Variants in HSPA4 observed in about 807,000 individuals in gnomAD.
HSPA4 encodes heat shock 70 kDa protein 4.
HSPA4 carries 25 observed loss-of-function variants against 106.2 expected under a neutral mutation model. The ratio of observed to expected loss-of-function variants is 0.24; its 90% CI spans 0.17 to 0.33. HSPA4 has a LOEUF of 0.33. Ranked by LOEUF, HSPA4 falls within the 10% of genes least tolerant of loss-of-function variation. The pLI, the probability that HSPA4 is intolerant of heterozygous loss-of-function variation, is 1.00. For synonymous variants in HSPA4, 332 were observed against 333.6 expected, an observed-to-expected ratio of 1.00 and a Z score of 0.05; for missense variants, 841 against 996.0, an observed-to-expected ratio of 0.84 and a Z score of 2.10.
At chr5:133,059,778 A>G (rs527735747) in intron 1 of HSPA4, among the ~76,000 whole-genome samples, 2 of 152,292 alleles carry the variant, frequency 1.3e-5, no homozygotes, top group Admixed American at 6.5e-5. Context: ...AGGATTATCA[A>G]GTGTAGGATG....
At chr5:133,067,635 C>T in intron 3 of HSPA4, 78 bp downstream of exon 3, 1 of 1,225,272 alleles carries the variant, frequency 8.2e-7, no homozygotes, top group Non-Finnish European at 1.1e-6. Context: ...CTGTACTTTT[C>T]TGATGTCAGA....
intron 7 of HSPA4, among the ~76,000 whole-genome samples, chr5:133,082,769 T>C (rs748382607): frequency 6.6e-6 from 1 of 152,186 alleles, no homozygotes; most frequent in East Asian, 1.9e-4. Flanking sequence ...ACGGGAATTA[T>C]ATACTTTAAA....
intron 15 of HSPA4, among the ~76,000 whole-genome samples, chr5:133,098,661 C>T (rs1021583882): frequency 1.3e-5 from 2 of 149,494 alleles, no homozygotes. Context: ...TTGATGGGTA[C>T]TTAGTTGTTT....
rs751891540 is a variant in HSPA4 at position 133,104,349 on chromosome 5, C to T, written c.2436C>T (p.Asn812=). Residue 812 remains asparagine, a synonymous_variant, in exon 19 of 19, where the codon AAC becomes AAT. Transcript: ENST00000304858. ...QNGPVDGQGD[N]PGPQAAEQGT... is the part of the protein sequence containing the mutation. The stretch of plus-strand genomic sequence containing the variant: ...GACCAGTGGATGGACAAGGAGACAA[C>T]CCAGGCCCCCAGGCTGCTGAGCAGG... The T allele has an allele frequency of 7.4e-6, 12 of 1,614,024 alleles. No homozygotes were observed. The highest frequency in any genetic ancestry group is 1.6e-4 in the Middle Eastern group (1 of 6,084).
chr5:133,104,063 C>T lies in HSPA4; in HGVS notation c.2319+37C>T, dbSNP rs555028305. 6.3e-4 allele frequency: 981 copies of T among 1,552,654 alleles called. 14 individuals are homozygous for T. The South Asian group carries it at 0.011, about 17-fold the overall frequency. ...CTTTTTTTTAATAGTCTTTTCTTGA[C>T]AGCCTTATTATTAATAGTCCTCAAG... On this transcript the variant is annotated intron_variant, in intron 18 of 18. Transcript: ENST00000304858.
intron 2 of HSPA4, among the ~76,000 whole-genome samples, chr5:133,065,343 G>A (rs994154896): frequency 1.3e-4 from 20 of 152,182 alleles, no homozygotes; most frequent in African/African-American, 4.8e-4. Context: ...CATTGTATTA[G>A]GTGTTATAAG....
intron 1 of HSPA4, among the ~76,000 whole-genome samples, chr5:133,057,531 C>T (rs4382161): frequency 6.6e-6 from 1 of 151,972 alleles, no homozygotes; most frequent in Non-Finnish European, 1.5e-5. Flanking sequence ...GCTATGCATA[C>T]ACTTATAAAA....
At chr5:133,085,737 G>GCAGGGAGGGATGAATAGTTGGAGCA (rs754606446) in intron 7 of HSPA4, among the ~76,000 whole-genome samples, 6 of 151,502 alleles carry the variant, frequency 4.0e-5, no homozygotes, top group Non-Finnish European at 7.4e-5. Context: ...GGAGTTTGGA[G>GCAGGGAGGGATGAATAGTTGGAGCA]CAGGGAGGGA....
At chr5:133,060,596 A>G (rs529154791) in intron 1 of HSPA4, among the ~76,000 whole-genome samples, 1 of 152,284 alleles carries the variant, frequency 6.6e-6, no homozygotes, top group Non-Finnish European at 1.5e-5. Flanking sequence ...TCCTGACCTC[A>G]GATGATCTGC....
intron 7 of HSPA4, among the ~76,000 whole-genome samples, chr5:133,080,215 A>G (rs1561581205): frequency 6.6e-6 from 1 of 151,500 alleles, no homozygotes; most frequent in East Asian, 1.9e-4. Context: ...GGAGTTCGAG[A>G]CCAGCCTGGG....
At chr5:133,055,236 T>C (rs1010732253) in intron 1 of HSPA4, among the ~76,000 whole-genome samples, 1 of 151,906 alleles carries the variant, frequency 6.6e-6, no homozygotes, top group Non-Finnish European at 1.5e-5. Context: ...CTGAACTGTA[T>C]GATTTTGATT....
At chr5:133,103,318 T>G (rs62375246) in intron 17 of HSPA4, among the ~76,000 whole-genome samples, 1 of 151,578 alleles carries the variant, frequency 6.6e-6, no homozygotes, top group African/African-American at 2.4e-5. Context: ...CAGCCTCCCA[T>G]AGTGCTAAGA....
intron 7 of HSPA4, among the ~76,000 whole-genome samples, chr5:133,085,952 A>G (rs1425844443): frequency 6.6e-6 from 1 of 152,220 alleles, no homozygotes; most frequent in African/African-American, 2.4e-5. Flanking sequence ...CAAGATGTTA[A>G]TAGAGGAACT....
Position 133,091,219 on chromosome 5 carries a change from C to T in HSPA4, c.1405C>T (p.Pro469Ser). 2 of 1,614,036 alleles carry T rather than the reference C, an allele frequency of 1.2e-6. No homozygotes were observed. Among genetic ancestry groups the T allele is most frequent in the Non-Finnish European group, 1.7e-6 (2 of 1,179,954 alleles). ...IAQFSVQKVTPQSDGSSSKVK... is the reference protein window; with the variant it reads ...IAQFSVQKVTSQSDGSSSKVK... ...TCAGTTTTCAGTTCAGAAAGTCACT[C>T]CTCAGTCTGATGGCTCCAGTTCAAA... Residue 469 changes from proline to serine, a missense_variant, in exon 12 of 19, where the codon CCT (proline) becomes TCT (serine). Coordinates refer to ENST00000304858, the MANE Select transcript of HSPA4 (RefSeq NM_002154.4).
chr5:133,052,339 A>C lies in HSPA4; in HGVS notation c.89A>C (p.Tyr30Ser). Residue 30 changes from tyrosine (Y) to serine (S), a missense_variant, in exon 1 of 19, where the codon TAT (tyrosine) becomes TCT (serine). Transcript: ENST00000304858. ...AGGIETIANEYSDRCTPACIS... is the reference protein window; with the variant it reads ...AGGIETIANESSDRCTPACIS... ...GGCATCGAGACTATCGCTAATGAGT[A>C]TAGCGACCGCTGCACGCCGTAAGTG... is the stretch of plus-strand genomic sequence containing the variant. The C allele has an allele frequency of 1.9e-6, 3 of 1,568,140 alleles. No homozygotes were observed. Among genetic ancestry groups the C allele is most frequent in the Non-Finnish European group, 2.6e-6 (3 of 1,158,950 alleles).
In HSPA4 at chr5:133,105,978, T is replaced by A. The variant is rs924619918; in HGVS notation, c.*1542T>A. The A allele has an allele frequency of 4.0e-5, 6 of 151,840 alleles. No homozygotes were observed. The highest frequency in any genetic ancestry group is 1.5e-4 in the African/African-American group (6 of 41,292). The allele number at this position is 151,840 out of a possible 1,614,324, so 9.4% of individuals were successfully genotyped here. On this transcript the variant is annotated 3_prime_UTR_variant, in exon 19 of 19. Transcript: ENST00000304858. ...TCCTCTGTTCTCTACCTGTCATGCT[T>A]CAAGAGTTCCAGCTGGCCTGCTGTG...
intron 3 of HSPA4, among the ~76,000 whole-genome samples, chr5:133,069,905 C>CT (rs1561578344): frequency 1.3e-5 from 2 of 152,152 alleles, no homozygotes; most frequent in Admixed American, 6.5e-5. Flanking sequence ...TGGCTCATGC[C>CT]TGTAATCCCA....
rs1279260393 is a variant in HSPA4, at chr5:133,052,080, C to T, written c.-171C>T. The T allele has an allele frequency of 3.5e-6, 2 of 568,826 alleles. No individual in the cohort carries two copies. Among genetic ancestry groups the T allele is most frequent in the Non-Finnish European group, 6.2e-6 (2 of 320,586 alleles). The allele number at this position is 568,826 out of a possible 1,614,324, so 35.2% of individuals were successfully genotyped here. On this transcript the variant is annotated 5_prime_UTR_variant, in exon 1 of 19. Transcript: ENST00000304858. Reference sequence around the variant, plus strand: ...ACTGAGCCGGAGCCGGCCTGAGCAGCGCTCTCGGTTGCAGTACCCACTGGA... The same window carrying T: ...ACTGAGCCGGAGCCGGCCTGAGCAGTGCTCTCGGTTGCAGTACCCACTGGA...
chr5:133,103,851 T>C lies in HSPA4; in HGVS notation c.2158-14T>C. 6.2e-7 allele frequency: 1 copy of C among 1,609,376 alleles called. No homozygotes were observed. The highest frequency in any genetic ancestry group is 8.5e-7 in the Non-Finnish European group (1 of 1,177,792). The stretch of plus-strand genomic sequence containing the variant: ...CACACTTTTAGCACTTGTTTGACTG[T>C]CTCCTGGTTGCAGGAGGACCAGTAT... On this transcript the variant is annotated splice_polypyrimidine_tract_variant and intron_variant, in intron 17 of 18. Coordinates refer to ENST00000304858, the MANE Select transcript of HSPA4 (RefSeq NM_002154.4).
Sources: allele counts gnomAD v4.1 joint callset (sites outside exome capture counted in the v4.1 genomes callset), GRCh38; gene constraint gnomAD v4.1.1; transcripts MANE v1.5; gene names NCBI Gene and HGNC (gene_info 2026-07-23, HGNC 2026-07-21).